Variants in LRRC56 observed in about 807,000 individuals in gnomAD.
LRRC56 encodes the protein leucine-rich repeat-containing protein 56.
LRRC56 carries 41 observed loss-of-function variants against 47.8 expected under a neutral mutation model. That is an observed-to-expected ratio of 0.86 (90% confidence interval 0.67 to 1.11). The LOEUF (loss-of-function observed/expected upper bound fraction) is 1.11, where lower values mean the gene tolerates loss of function less well. Among genes scored for constraint, LRRC56 ranks in the 50% most tolerant of loss-of-function variants. The pLI, the probability that LRRC56 is intolerant of heterozygous loss-of-function variation, is 0.00. For missense variants in LRRC56, 759 were observed against 704.2 expected, an observed-to-expected ratio of 1.08 and a Z score of -0.88; for synonymous variants, 387 against 311.2, an observed-to-expected ratio of 1.24 and a Z score of -2.56.
chr11:535,865 G>A (rs951511250), upstream of LRRC56, among the ~76,000 whole-genome samples: 3 of 152,102 alleles, frequency 2.0e-5, no homozygotes, highest in Non-Finnish European at 2.9e-5. Context: ...GGGCTCTCCC[G>A]GGAACAGGCC....
chr11:552,386 G>C (rs1037269435), intron 12 of LRRC56, among the ~76,000 whole-genome samples, 154 bp downstream of exon 12: 5 of 146,778 alleles, frequency 3.4e-5, no homozygotes, highest in Admixed American at 2.7e-4. Flanking sequence ...GGGCTACCTT[G>C]GCTGAGTCAT....
chr11:533,759 G>A (rs1367770571), upstream of LRRC56: 1 of 1,613,242 alleles, frequency 6.2e-7, no homozygotes, highest in Non-Finnish European at 8.5e-7. Flanking sequence ...AGCCTCACGG[G>A]GTTCACCTGT....
rs1015571009 is a variant in LRRC56 at position 538,584 on chromosome 11, A to G, written c.-421-14A>G. ...CCCCGCTCCAACACTCCCACCCACC[A>G]CCTCTGTCAACAGCCGGCCAACTCG... On this transcript the variant is annotated splice_polypyrimidine_tract_variant and intron_variant, in intron 1 of 13. Coordinates refer to ENST00000270115, the MANE Select transcript of LRRC56 (RefSeq NM_198075.4). The G allele has an allele frequency of 1.3e-5, 2 of 152,166 alleles. No homozygotes were observed. The highest frequency in any genetic ancestry group is 2.9e-5 in the Non-Finnish European group (2 of 68,152). The allele number at this position is 152,166 out of a possible 1,614,324, so 9.4% of individuals were successfully genotyped here. A position where few individuals can be genotyped will look rare whatever the true frequency, so the allele number is the denominator to read the frequency against.
chr11:533,748 C>T (rs756668252), upstream of LRRC56: 1 of 1,613,128 alleles, frequency 6.2e-7, no homozygotes, highest in Non-Finnish European at 8.5e-7. Context: ...GCTCCCGGGC[C>T]AGCCTCACGG....
intron 12 of LRRC56, 112 bp downstream of exon 12, chr11:552,344 G>A (rs1172487504): frequency 7.0e-7 from 1 of 1,433,266 alleles, no homozygotes; most frequent in Non-Finnish European, 9.5e-7. Context: ...GACCATCCCT[G>A]CATGTCCTGT....
chr11:540,461 G>A (rs1363155699), intron 3 of LRRC56, among the ~76,000 whole-genome samples: 1 of 152,130 alleles, frequency 6.6e-6, no homozygotes, highest in African/African-American at 2.4e-5. Flanking sequence ...GCTGGGGGAG[G>A]GGAGCGTGAG....
In LRRC56 at chr11:552,105, G is replaced by T; in HGVS notation, c.1054G>T (p.Glu352Ter). Residue 352 changes from glutamate to a stop codon, truncating the protein, a stop_gained, in exon 12 of 14, where the codon GAG becomes TAG. Coordinates refer to ENST00000270115, the MANE Select transcript of LRRC56 (RefSeq NM_198075.4). LOFTEE classifies it high-confidence loss of function. ...TCCTCCCCAGGCCAGGGAGCCCCCC[G>T]AGCAGCTGCCCCAACACAGGCCAGG... ...RHQCQAREPPEQLPQHRPGDP... is the reference protein window; with the variant it reads ...RHQCQAREPP 6.2e-7 allele frequency: 1 copy of T among 1,611,144 alleles called. No homozygotes were observed. The highest frequency in any genetic ancestry group is 8.5e-7 in the Non-Finnish European group (1 of 1,178,726).
At chr11:549,301 C>T (rs890321795) in intron 6 of LRRC56, among the ~76,000 whole-genome samples, 1 of 152,214 alleles carries the variant, frequency 6.6e-6, no homozygotes, top group Non-Finnish European at 1.5e-5. Flanking sequence ...GGCCTCCCAG[C>T]CGAGAGGGGC....
At position 541,093 on chromosome 11, in the gene LRRC56, G is replaced by A. The variant is rs568610633; in HGVS notation, c.177+232G>A. 1.3e-5 allele frequency among the ~76,000 whole-genome samples: 2 copies of A among 152,106 alleles called. No homozygotes were observed. Among genetic ancestry groups the A allele is most frequent in the South Asian group, 4.1e-4 (2 of 4,834 alleles). On this transcript the variant is annotated intron_variant, in intron 4 of 13. Coordinates refer to ENST00000270115, the MANE Select transcript of LRRC56 (RefSeq NM_198075.4). The surrounding 1 kb of genome is among the most constrained non-coding windows in gnomAD (Gnocchi z 4.1). ...ACACCAGGTGCTCAGTGACACAGAC[G>A]TCCCCAGGCATTTGGGTCACAGACA...
At position 554,793 on chromosome 11, in the gene LRRC56, C is replaced by T; in HGVS notation, c.*517C>T. 1 of 531,546 alleles carries T rather than the reference C, an allele frequency of 1.9e-6. No individual in the cohort carries two copies. The highest frequency in any genetic ancestry group is 3.3e-6 in the Non-Finnish European group (1 of 306,070). The allele number at this position is 531,546 out of a possible 1,614,324, so 32.9% of individuals were successfully genotyped here. On this transcript the variant is annotated 3_prime_UTR_variant, in exon 14 of 14. Coordinates refer to ENST00000270115, the MANE Select transcript of LRRC56 (RefSeq NM_198075.4). ...GGGTTCCCGCACTGCGATAGGGCGG[C>T]CCGTTCCCTCCTCTTGGCGCAGGAC...
the LRRC56 span, among the ~76,000 whole-genome samples, chr11:508,314 A>G: frequency 6.6e-6 from 1 of 152,158 alleles, no homozygotes; most frequent in South Asian, 2.1e-4. Context: ...CACAGGCGCC[A>G]GCACGCCTGG....
chr11:522,479 GAT>G, the LRRC56 span, among the ~76,000 whole-genome samples: 12 of 152,070 alleles, frequency 7.9e-5, 1 homozygote, highest in African/African-American at 2.9e-4. Flanking sequence ...TGTTAGCCAG[GAT>G]ACTCTCGATC....
rs577497285 is a variant in LRRC56, at chr11:550,284, G to A, written c.624+12G>A. On this transcript the variant is annotated intron_variant, in intron 8 of 13. Coordinates refer to ENST00000270115, the MANE Select transcript of LRRC56 (RefSeq NM_198075.4). ...GCCCCACCAACAAGGTGCGTGTCCC[G>A]GGCACCCGGCCAGCATGTGCATGGC... 4.2e-5 allele frequency: 64 copies of A among 1,538,170 alleles called. No homozygotes were observed. In the South Asian group the frequency reaches 6.1e-4, roughly 15 times the overall value.
In LRRC56 at chr11:541,259, C is replaced by G. The variant is rs980206988; in HGVS notation, c.178-278C>G. ...CCCGGCGCGGTCCGGGCTCTGGGTG[C>G]CGGGTGTGGTGTGTCTGCCCTGGGA... On this transcript the variant is annotated intron_variant, in intron 4 of 13. Coordinates refer to ENST00000270115, the MANE Select transcript of LRRC56 (RefSeq NM_198075.4). This position sits in a 1 kb window ranked among gnomAD's most constrained non-coding sequence, Gnocchi z 4.1. 6.6e-6 allele frequency among the ~76,000 whole-genome samples: 1 copy of G among 152,166 alleles called. No homozygotes were observed. Among genetic ancestry groups the G allele is most frequent in the Non-Finnish European group, 1.5e-5 (1 of 68,012 alleles).
In LRRC56 at chr11:552,227, C is replaced by G. The variant is rs761155040; in HGVS notation, c.1176C>G (p.Gly392=). ...GGCTCAGGGCCTGGAGGGAACATGG[C>G]GTGCGGTGGGTGTCCCTCCAGCTCT... ...LAGLRAWREH[G]VRPLPYRHPE... Residue 392 remains glycine (G), a synonymous_variant, in exon 12 of 14, where the codon GGC becomes GGG. Coordinates refer to ENST00000270115, the MANE Select transcript of LRRC56 (RefSeq NM_198075.4). The G allele has an allele frequency of 6.2e-7, 1 of 1,608,986 alleles. No homozygotes were observed. Among genetic ancestry groups the G allele is most frequent in the Admixed American group, 1.7e-5 (1 of 59,820 alleles).
chr11:518,537 C>G, the LRRC56 span, among the ~76,000 whole-genome samples: 2 of 152,208 alleles, frequency 1.3e-5, no homozygotes, highest in Admixed American at 6.5e-5. Context: ...TTTGGCCAGG[C>G]TGGTCTCCAA....
chr11:541,123 T>C lies in LRRC56; in HGVS notation c.177+262T>C, dbSNP rs540993095. On this transcript the variant is annotated intron_variant, in intron 4 of 13. Coordinates refer to ENST00000270115, the MANE Select transcript of LRRC56 (RefSeq NM_198075.4). This position sits in a 1 kb window ranked among gnomAD's most constrained non-coding sequence, Gnocchi z 4.1. ...CAGGCATTTGGGTCACAGACAGGAC[T>C]GAGCCAGGCCAGAACCCACAAGTAG... Among the ~76,000 whole-genome samples, 4 of 152,166 alleles carry C rather than the reference T, an allele frequency of 2.6e-5. No individual in the cohort carries two copies. Among genetic ancestry groups the C allele is most frequent in the Non-Finnish European group, 4.4e-5 (3 of 68,020 alleles).
At chr11:524,002 G>A in the LRRC56 span, among the ~76,000 whole-genome samples, 1 of 151,994 alleles carries the variant, frequency 6.6e-6, no homozygotes. Flanking sequence ...TAAATAAATG[G>A]AGAGACATAC....
intron 13 of LRRC56, among the ~76,000 whole-genome samples, chr11:553,597 C>T (rs1210009163): frequency 2.0e-5 from 3 of 152,104 alleles, no homozygotes; most frequent in Non-Finnish European, 4.4e-5. Flanking sequence ...TGCTGGGGGA[C>T]CCAAGGCTTG....
Sources: gnomAD v4.1 joint callset for allele counts (sites outside exome capture counted in the v4.1 genomes callset) on GRCh38, gnomAD v4.1.1 for gene constraint, Gnocchi (gnomAD v3.1) non-coding constraint, MANE v1.5 for transcripts, NCBI Gene and HGNC (gene_info 2026-07-23, HGNC 2026-07-21) for gene names.